The following KCNH5 variants were observed in gnomAD, a reference collection of about 807,000 sequenced individuals.
KCNH5 encodes the protein potassium voltage-gated channel subfamily H member 5, also known as voltage-gated delayed rectifier potassium channel KCNH5.
A neutral mutation model predicts 96.1 loss-of-function variants in KCNH5; 46 were observed. That is an observed-to-expected ratio of 0.48 (90% CI 0.38 to 0.61). The LOEUF (loss-of-function observed/expected upper bound fraction) is 0.61. Ranked by LOEUF, KCNH5 falls within the 20% of genes least tolerant of loss-of-function variation. KCNH5 has a pLI of 0.00. For synonymous variants in KCNH5, 439 were observed against 449.8 expected, an observed-to-expected ratio of 0.98 and a Z score of 0.30; for missense variants, 907 against 1,225.8, an observed-to-expected ratio of 0.74 and a Z score of 3.88.
chr14:62,904,465 AT>A (rs1888988247), intron 7 of KCNH5, among the ~76,000 whole-genome samples: 3 of 152,034 alleles, frequency 2.0e-5, no homozygotes, highest in African/African-American at 4.8e-5. Flanking sequence ...CTTCAGCAAA[AT>A]CCCACATACA....
chr14:62,965,467 T>G (rs1594649536), intron 6 of KCNH5, among the ~76,000 whole-genome samples: 1 of 152,120 alleles, frequency 6.6e-6, no homozygotes, highest in African/African-American at 2.4e-5. Context: ...CCTTTGACTT[T>G]CTCCACAAGG....
rs1884470188 is a variant in KCNH5, at chr14:62,707,840, C to T, written c.2635G>A (p.Gly879Arg). 2 of 1,614,126 alleles carry T rather than the reference C, an allele frequency of 1.2e-6. No individual in the cohort carries two copies. The highest frequency in any genetic ancestry group is 1.7e-6 in the Non-Finnish European group (2 of 1,180,032). Reference protein sequence around the residue: ...TKSDLRLDKAGEARSPLEHSP... With the variant: ...TKSDLRLDKAREARSPLEHSP... ...TGCTCTAGCGGACTTCGGGCCTCCC[C>T]AGCCTTATCCAAACGAAGGTCACTT... The change falls in exon 11 of 11, where the codon GGG becomes AGG. Residue 879 changes from glycine to arginine, a missense_variant. Coordinates refer to ENST00000322893, the MANE Select transcript of KCNH5 (RefSeq NM_139318.5).
chr14:63,027,221 AG>A (rs954217917), intron 1 of KCNH5, among the ~76,000 whole-genome samples: 2 of 152,030 alleles, frequency 1.3e-5, no homozygotes, highest in Non-Finnish European at 2.9e-5. Flanking sequence ...ATGTTGGTCA[AG>A]GGACAAAAAT....
intron 7 of KCNH5, among the ~76,000 whole-genome samples, chr14:62,860,601 C>T (rs1888014131): frequency 6.6e-6 from 1 of 152,174 alleles, no homozygotes; most frequent in South Asian, 2.1e-4. Context: ...CCACCATAGA[C>T]AACCAGAGAG....
intron 7 of KCNH5, among the ~76,000 whole-genome samples, chr14:62,882,556 G>C (rs570963660): frequency 6.6e-6 from 1 of 152,272 alleles, no homozygotes; most frequent in South Asian, 2.1e-4. Flanking sequence ...TGTGGAGTAG[G>C]ACCACATGCT....
chr14:62,984,465 G>C (rs1416667983), intron 5 of KCNH5, among the ~76,000 whole-genome samples: 1 of 152,122 alleles, frequency 6.6e-6, no homozygotes, highest in East Asian at 1.9e-4. Context: ...AAAAGTAAAA[G>C]CACCTCAAAT....
intron 10 of KCNH5, among the ~76,000 whole-genome samples, chr14:62,724,148 T>C (rs1209924316): frequency 6.6e-6 from 1 of 152,176 alleles, no homozygotes; most frequent in Non-Finnish European, 1.5e-5. Context: ...TTTTATTTAG[T>C]AAAAGTCTAT....
intron 7 of KCNH5, among the ~76,000 whole-genome samples, chr14:62,933,101 A>T (rs1173202910): frequency 1.3e-5 from 2 of 152,188 alleles, no homozygotes; most frequent in Non-Finnish European, 2.9e-5. Flanking sequence ...CAAGCCTGGG[A>T]TAGTGCAACT....
At chr14:62,873,872 G>A (rs1471166715) in intron 7 of KCNH5, among the ~76,000 whole-genome samples, 1 of 152,058 alleles carries the variant, frequency 6.6e-6, no homozygotes, top group African/African-American at 2.4e-5. Flanking sequence ...CTCAATTGAT[G>A]GTCCATGCTC....
At position 62,702,831 on chromosome 14, in the gene KCNH5, A is replaced by G. The variant is rs1884368250; in HGVS notation, c.*4677T>C. The G allele has an allele frequency of 6.6e-6, 1 of 151,960 alleles. No individual in the cohort carries two copies. Among genetic ancestry groups the G allele is most frequent in the African/African-American group, 2.4e-5 (1 of 41,436 alleles). The allele number at this position is 151,960 out of a possible 1,614,324, so 9.4% of individuals were successfully genotyped here. The stretch of plus-strand genomic sequence containing the variant: ...GTCAGAATATAGGCCAAAACTTACA[A>G]CACATAGCACATAGTTAAGAATTTT... On this transcript the variant is annotated 3_prime_UTR_variant, in exon 11 of 11. Coordinates refer to ENST00000322893, the MANE Select transcript of KCNH5 (RefSeq NM_139318.5).
chr14:63,004,499 A>G (rs939292509), intron 3 of KCNH5, among the ~76,000 whole-genome samples: 9 of 152,254 alleles, frequency 5.9e-5, no homozygotes, highest in Admixed American at 2.6e-4. Context: ...ATCCATTAAC[A>G]TAAGGCAAAA....
intron 8 of KCNH5, among the ~76,000 whole-genome samples, chr14:62,833,451 G>A (rs1344113154): frequency 5.3e-5 from 8 of 152,012 alleles, no homozygotes; most frequent in Admixed American, 5.2e-4. Context: ...TTGACCGTAT[G>A]TGCATGGGTT....
intron 7 of KCNH5, among the ~76,000 whole-genome samples, chr14:62,891,452 G>A (rs1038369684): frequency 4.6e-5 from 7 of 151,970 alleles, no homozygotes; most frequent in African/African-American, 1.7e-4. Flanking sequence ...ATAACTATTG[G>A]TACTGGGCTT....
intron 8 of KCNH5, among the ~76,000 whole-genome samples, chr14:62,809,202 C>G (rs1886826677): frequency 6.6e-6 from 1 of 152,086 alleles, no homozygotes; most frequent in African/African-American, 2.4e-5. Flanking sequence ...TTCTCTCTAA[C>G]TGATTTCTCC....
intron 10 of KCNH5, among the ~76,000 whole-genome samples, chr14:62,721,660 T>C (rs61472478): frequency 0.012 from 1,864 of 152,194 alleles, 33 homozygotes; most frequent in East Asian, 0.093. Context: ...TTATTTTTAT[T>C]TCCCTCCTAC....
intron 2 of KCNH5, among the ~76,000 whole-genome samples, chr14:63,014,858 A>T (rs891619583): frequency 1.3e-5 from 2 of 152,040 alleles, no homozygotes; most frequent in African/African-American, 4.8e-5. Context: ...AAGAATAAGA[A>T]ATGCGAGTGT....
intron 10 of KCNH5, among the ~76,000 whole-genome samples, chr14:62,727,627 G>A (rs1057447452): frequency 1.3e-5 from 2 of 152,022 alleles, no homozygotes; most frequent in African/African-American, 4.8e-5. Flanking sequence ...TCAGTTTAGT[G>A]GAAGCAGGCC....
chr14:62,764,243 A>T (rs1885813688), intron 10 of KCNH5, among the ~76,000 whole-genome samples: 1 of 152,254 alleles, frequency 6.6e-6, no homozygotes, highest in Non-Finnish European at 1.5e-5. Context: ...AATGTGATTC[A>T]TTACATAAGC....
chr14:62,956,071 T>C (rs1011068192), intron 6 of KCNH5, among the ~76,000 whole-genome samples: 1 of 152,114 alleles, frequency 6.6e-6, no homozygotes, highest in South Asian at 2.1e-4. Flanking sequence ...GAGCATATCG[T>C]CCAAGGGCTT....
Sources: gnomAD v4.1 joint callset for allele counts (sites outside exome capture counted in the v4.1 genomes callset) on GRCh38, gnomAD v4.1.1 for gene constraint, MANE v1.5 for transcripts, NCBI Gene and HGNC (gene_info 2026-07-23, HGNC 2026-07-21) for gene names.